The following NRXN1 variants were observed in gnomAD, a reference collection of about 807,000 sequenced individuals.
NRXN1 encodes neurexin-1.
In NRXN1, 39 loss-of-function variants were observed where a neutral mutation model predicts 150.9. The observed-to-expected ratio is 0.26, with a 90% CI of 0.20 to 0.34. NRXN1 has a LOEUF of 0.34. Among genes scored for constraint, NRXN1 ranks in the 10% least tolerant of loss-of-function variants. The pLI, the probability that NRXN1 is intolerant of heterozygous loss-of-function variation, is 1.00. For missense variants in NRXN1, 1,815 were observed against 1,949.9 expected, an observed-to-expected ratio of 0.93 and a Z score of 1.30; for synonymous variants, 924 against 757.0, an observed-to-expected ratio of 1.22 and a Z score of -3.62.
chr2:50,265,965 G>GTTA (rs757745541), intron 17 of NRXN1, among the ~76,000 whole-genome samples: 6,284 of 132,260 alleles, frequency 0.048, 171 homozygotes, highest in South Asian at 0.086. Context: ...TTATTTCTTT[G>GTTA]TTATTATTAT....
rs1206665495 is a variant in NRXN1 at position 50,834,324 on chromosome 2, G to C, written c.832+87545C>G. On this transcript the variant is annotated intron_variant, in intron 5 of 22. Transcript: ENST00000401669. ...ATAATAAATCATAACTGTCAATTTTGCTCAAAATATGGTTTAGGAGTACAT... is the reference window on the plus strand; with the variant it reads ...ATAATAAATCATAACTGTCAATTTTCCTCAAAATATGGTTTAGGAGTACAT... 2.0e-5 allele frequency among the ~76,000 whole-genome samples: 3 copies of C among 152,048 alleles called. No individual in the cohort carries two copies. In the South Asian group the frequency reaches 6.2e-4, roughly 32 times the overall value.
At chr2:50,193,626 T>C (rs149312097) in intron 18 of NRXN1, among the ~76,000 whole-genome samples, 1 of 152,290 alleles carries the variant, frequency 6.6e-6, no homozygotes, top group Non-Finnish European at 1.5e-5. Context: ...GTGCCACTAA[T>C]ATCTAATTTT....
chr2:50,489,063 G>A (rs955741232), intron 15 of NRXN1, among the ~76,000 whole-genome samples: 2 of 152,192 alleles, frequency 1.3e-5, no homozygotes, highest in African/African-American at 4.8e-5. Flanking sequence ...ATCCTGCTGG[G>A]ACGTGGTAAA....
intron 21 of NRXN1, among the ~76,000 whole-genome samples, chr2:50,035,894 G>A (rs76571841): frequency 9.2e-5 from 14 of 152,142 alleles, no homozygotes; most frequent in African/African-American, 3.4e-4. Flanking sequence ...ACAGTTCACC[G>A]ATGAATACTT....
At chr2:50,316,696 A>C (rs902439021) in intron 17 of NRXN1, among the ~76,000 whole-genome samples, 9 of 152,112 alleles carry the variant, frequency 5.9e-5, no homozygotes, top group African/African-American at 1.7e-4. Context: ...AAGATTAATA[A>C]GTAACAAACA....
chr2:50,851,174 A>G (rs1674461520), intron 5 of NRXN1, among the ~76,000 whole-genome samples: 1 of 152,150 alleles, frequency 6.6e-6, no homozygotes, highest in African/African-American at 2.4e-5. Flanking sequence ...CACTTAGTAC[A>G]CATTGTTTCC....
intron 15 of NRXN1, among the ~76,000 whole-genome samples, chr2:50,486,368 T>C (rs1261375103): frequency 6.6e-6 from 1 of 152,162 alleles, no homozygotes; most frequent in African/African-American, 2.4e-5. Flanking sequence ...ACACTCAGTT[T>C]TCTACAATAC....
At chr2:50,603,923 T>C (rs775167369) in intron 8 of NRXN1, among the ~76,000 whole-genome samples, 1 of 152,124 alleles carries the variant, frequency 6.6e-6, no homozygotes, top group Non-Finnish European at 1.5e-5. Context: ...TTCCGACCAC[T>C]CAAGCTCCCC....
rs199892348 is a variant in NRXN1 at position 50,128,640 on chromosome 2, A to AAT, written c.3547-37148_3547-37147dup. ...ATGCTCAAAAAGAATACTCCAAGAA[A>AAT]ATATAAATTGTTTAAATATAAGTCT... On this transcript the variant is annotated intron_variant, in intron 18 of 22. Coordinates refer to ENST00000401669, the MANE Select transcript of NRXN1 (RefSeq NM_001330078.2). Among the ~76,000 whole-genome samples the AAT allele has an allele frequency of 3.5e-3, 534 of 152,270 alleles. 4 individuals are homozygous for AAT. The highest frequency in any genetic ancestry group is 0.012 in the African/African-American group (504 of 41,554).
At chr2:49,957,851 T>C (rs908581593) in intron 21 of NRXN1, among the ~76,000 whole-genome samples, 2 of 152,118 alleles carry the variant, frequency 1.3e-5, no homozygotes, top group Non-Finnish European at 2.9e-5. Flanking sequence ...TGGCTCTCCA[T>C]CCAGTTGGCG....
At chr2:50,730,947 A>G (rs1170091928) in intron 5 of NRXN1, among the ~76,000 whole-genome samples, 2 of 152,098 alleles carry the variant, frequency 1.3e-5, no homozygotes, top group African/African-American at 2.4e-5. Flanking sequence ...TGCTGGGATT[A>G]CAGGCGTGAG....
chr2:50,194,757 A>G (rs1410457970), intron 18 of NRXN1, among the ~76,000 whole-genome samples: 3 of 152,186 alleles, frequency 2.0e-5, no homozygotes, highest in African/African-American at 7.2e-5. Context: ...AGAATCTAAG[A>G]TGAATTAGAG....
chr2:50,972,909 A>G (rs1695243616), intron 2 of NRXN1, among the ~76,000 whole-genome samples: 2 of 152,184 alleles, frequency 1.3e-5, no homozygotes, highest in African/African-American at 4.8e-5. Flanking sequence ...GCAGAAAATC[A>G]ACTGCCATCT....
intron 5 of NRXN1, among the ~76,000 whole-genome samples, chr2:50,812,900 A>G (rs1397869664): frequency 6.6e-6 from 1 of 152,010 alleles, no homozygotes; most frequent in East Asian, 1.9e-4. Flanking sequence ...TTTTTGTTTG[A>G]TACTTTTGTA....
At chr2:50,920,256 A>G (rs1685809750) in intron 5 of NRXN1, among the ~76,000 whole-genome samples, 1 of 151,810 alleles carries the variant, frequency 6.6e-6, no homozygotes. Flanking sequence ...GAAGTTAAAA[A>G]ATAATGTTTG....
intron 17 of NRXN1, among the ~76,000 whole-genome samples, chr2:50,365,003 T>C (rs146557737): frequency 9.2e-5 from 14 of 152,174 alleles, no homozygotes; most frequent in African/African-American, 3.4e-4. Context: ...TTCCTTTATG[T>C]TGTACTGCTT....
intron 2 of NRXN1, among the ~76,000 whole-genome samples, chr2:50,993,139 G>A (rs750394956): frequency 6.6e-6 from 1 of 151,898 alleles, no homozygotes; most frequent in Non-Finnish European, 1.5e-5. Flanking sequence ...TATTACACGA[G>A]AGAAAGGTAA....
At chr2:50,609,278 A>G (rs1210269442) in intron 8 of NRXN1, among the ~76,000 whole-genome samples, 1 of 152,150 alleles carries the variant, frequency 6.6e-6, no homozygotes, top group Non-Finnish European at 1.5e-5. Flanking sequence ...TGTAAAATGA[A>G]AATGAGAAGC....
At chr2:50,600,710 G>C (rs978176488) in intron 8 of NRXN1, among the ~76,000 whole-genome samples, 1 of 152,160 alleles carries the variant, frequency 6.6e-6, no homozygotes, top group Non-Finnish European at 1.5e-5. Context: ...ACTTTACTTA[G>C]AAGTTTCTAC....
Sources: allele counts gnomAD v4.1 joint callset (sites outside exome capture counted in the v4.1 genomes callset), GRCh38; gene constraint gnomAD v4.1.1; transcripts MANE v1.5; gene names NCBI Gene and HGNC (gene_info 2026-07-23, HGNC 2026-07-21).